Variants in DLG2 observed in about 807,000 individuals in gnomAD.
The protein encoded by DLG2 is discs large MAGUK scaffold protein 2.
Under a neutral mutation model 132.5 loss-of-function variants are expected in DLG2, and 45 were observed. That is an observed-to-expected ratio of 0.34 (90% CI 0.27 to 0.44). The LOEUF is 0.44. DLG2 is among the 20% of genes least tolerant of loss of function. The pLI, the probability that DLG2 is intolerant of heterozygous loss-of-function variation, is 1.00. For synonymous variants in DLG2, 424 were observed against 419.6 expected (o/e 1.01, Z -0.13); for missense variants, 1,045 against 1,196.9 (o/e 0.87, Z 1.87).
intron 6 of DLG2, among the ~76,000 whole-genome samples, chr11:84,928,706 T>C (rs1294390410): frequency 6.6e-6 from 1 of 151,674 alleles, no homozygotes; most frequent in Non-Finnish European, 1.5e-5. Context: ...TTTACTATTA[T>C]TGGAATTTCT....
chr11:85,202,522 A>G (rs1457249282), intron 4 of DLG2, among the ~76,000 whole-genome samples: 1 of 152,146 alleles, frequency 6.6e-6, no homozygotes, highest in Non-Finnish European at 1.5e-5. Flanking sequence ...CATCAAATTT[A>G]AAATGCCCTC....
chr11:85,047,033 T>C (rs1193712880), intron 6 of DLG2, among the ~76,000 whole-genome samples: 10 of 152,006 alleles, frequency 6.6e-5, no homozygotes, highest in Non-Finnish European at 1.0e-4. Flanking sequence ...GGAAATAAGA[T>C]GCTAAAATAT....
intron 3 of DLG2, among the ~76,000 whole-genome samples, chr11:85,524,478 A>G (rs1406743799): frequency 6.6e-6 from 1 of 151,242 alleles, no homozygotes; most frequent in Non-Finnish European, 1.5e-5. Context: ...TAGGCTCAAA[A>G]AGAGAACTTC....
chr11:84,746,250 A>AG lies in DLG2; in HGVS notation c.358-211520dup, dbSNP rs977417787. On this transcript the variant is annotated intron_variant, in intron 6 of 27. Transcript: ENST00000376104. The stretch of plus-strand genomic sequence containing the variant: ...AGATGGAAAACAACAAGATATGAAA[A>AG]GAAAAAAAAAAAAAAGAAAAGAAAA... Among the ~76,000 whole-genome samples the AG allele has an allele frequency of 5.3e-5, 8 of 150,606 alleles. 1 individual carries two copies. Among genetic ancestry groups the AG allele is most frequent in the African/African-American group, 2.0e-4 (8 of 40,844 alleles).
At chr11:83,617,168 C>T (rs2060946072) in intron 19 of DLG2, among the ~76,000 whole-genome samples, 1 of 152,150 alleles carries the variant, frequency 6.6e-6, no homozygotes, top group Non-Finnish European at 1.5e-5. Context: ...TAATCTATCA[C>T]CATCACCAAC....
chr11:85,242,294 T>C (rs931116849), intron 4 of DLG2, among the ~76,000 whole-genome samples: 1 of 151,976 alleles, frequency 6.6e-6, no homozygotes, highest in African/African-American at 2.4e-5. Context: ...TGTGATCTCG[T>C]TTTTCCTCTT....
At chr11:83,734,996 A>G (rs1011420741) in intron 18 of DLG2, among the ~76,000 whole-genome samples, 22 of 152,064 alleles carry the variant, frequency 1.4e-4, no homozygotes, top group African/African-American at 5.3e-4. Context: ...ATTAGCCTCT[A>G]CTCACCTGTT....
chr11:83,882,024 C>A (rs1455753305), intron 15 of DLG2, among the ~76,000 whole-genome samples: 1 of 151,984 alleles, frequency 6.6e-6, no homozygotes, highest in East Asian at 1.9e-4. Flanking sequence ...ACTTTTAATT[C>A]TTACCTACAT....
chr11:84,359,255 T>G lies in DLG2; in HGVS notation c.520-107964A>C, dbSNP rs1240663851. Among the ~76,000 whole-genome samples the G allele has an allele frequency of 2.0e-5, 3 of 151,860 alleles. No homozygotes were observed. The East Asian group carries it at 5.8e-4, about 29-fold the overall frequency. On this transcript the variant is annotated intron_variant, in intron 7 of 27. Coordinates refer to ENST00000376104, the MANE Select transcript of DLG2 (RefSeq NM_001142699.3). ...AGAAATGGTAAAACTGAGAAATGAATCAATATGCTGTTGTTCTAATCTGTA... is the reference window on the plus strand; with the variant it reads ...AGAAATGGTAAAACTGAGAAATGAAGCAATATGCTGTTGTTCTAATCTGTA...
At chr11:83,778,047 T>C (rs2094658363) in intron 18 of DLG2, among the ~76,000 whole-genome samples, 2 of 152,166 alleles carry the variant, frequency 1.3e-5, no homozygotes, top group African/African-American at 4.8e-5. Flanking sequence ...ATTATTAAAG[T>C]TGAGGACTGA....
chr11:84,898,992 T>C (rs1418389372), intron 6 of DLG2, among the ~76,000 whole-genome samples: 1 of 152,090 alleles, frequency 6.6e-6, no homozygotes, highest in African/African-American at 2.4e-5. Flanking sequence ...TTCATTTTTG[T>C]ATTCCCAGTG....
At chr11:85,525,302 G>A (rs964710785) in intron 3 of DLG2, among the ~76,000 whole-genome samples, 1 of 152,080 alleles carries the variant, frequency 6.6e-6, no homozygotes, top group African/African-American at 2.4e-5. Context: ...CATCTACAAA[G>A]AACTTTTAAA....
At chr11:84,722,714 C>G (rs1162644556) in intron 6 of DLG2, among the ~76,000 whole-genome samples, 2 of 152,088 alleles carry the variant, frequency 1.3e-5, no homozygotes, top group Admixed American at 6.5e-5. Flanking sequence ...CAATATGGAA[C>G]AAAGTATGAG....
intron 6 of DLG2, among the ~76,000 whole-genome samples, chr11:84,755,518 G>T (rs2066747957): frequency 6.6e-6 from 1 of 152,204 alleles, no homozygotes; most frequent in Non-Finnish European, 1.5e-5. Flanking sequence ...CCGCTTCCCG[G>T]GTTCAAGACA....
chr11:84,176,842 A>G (rs2095983578), intron 8 of DLG2, among the ~76,000 whole-genome samples: 3 of 152,120 alleles, frequency 2.0e-5, no homozygotes, highest in African/African-American at 7.2e-5. Flanking sequence ...GCTCAAGCAT[A>G]GCTCACTGCT....
intron 18 of DLG2, among the ~76,000 whole-genome samples, chr11:83,781,404 TATAAATGA>T (rs2094822307): frequency 6.6e-6 from 1 of 152,196 alleles, no homozygotes; most frequent in African/African-American, 2.4e-5. Flanking sequence ...TGAATGAATG[TATAAATGA>T]ATAAATGAAC....
chr11:85,277,750 C>A (rs2077979864), intron 4 of DLG2, among the ~76,000 whole-genome samples: 1 of 152,086 alleles, frequency 6.6e-6, no homozygotes, highest in Non-Finnish European at 1.5e-5. Context: ...AGTTACTACC[C>A]ATGAGAAATG....
At chr11:85,079,628 G>C (rs1437038202) in intron 6 of DLG2, among the ~76,000 whole-genome samples, 1 of 151,896 alleles carries the variant, frequency 6.6e-6, no homozygotes, top group Non-Finnish European at 1.5e-5. Flanking sequence ...CCTGTCCCTT[G>C]GTGGGACCGC....
At chr11:84,707,568 A>G (rs963007628) in intron 6 of DLG2, among the ~76,000 whole-genome samples, 2 of 151,852 alleles carry the variant, frequency 1.3e-5, no homozygotes, top group Non-Finnish European at 2.9e-5. Context: ...ATCCATTATA[A>G]GAGTACAATA....
Sources: gnomAD v4.1 joint callset for allele counts (sites outside exome capture counted in the v4.1 genomes callset) on GRCh38, gnomAD v4.1.1 for gene constraint, MANE v1.5 for transcripts, NCBI Gene and HGNC (gene_info 2026-07-23, HGNC 2026-07-21) for gene names.